The following TFEC variants were observed in gnomAD, a reference collection of about 807,000 sequenced individuals.
The protein encoded by TFEC is class E basic helix-loop-helix protein 34.
A neutral mutation model predicts 41.6 loss-of-function variants in TFEC; 31 were observed. That is an observed-to-expected ratio of 0.74 (90% CI 0.56 to 1.01). The LOEUF (loss-of-function observed/expected upper bound fraction) is 1.01, where lower values mean the gene tolerates loss of function less well. Among genes scored for constraint, TFEC ranks in the 50% least tolerant of loss-of-function variants. The pLI, the probability that TFEC is intolerant of heterozygous loss-of-function variation, is 0.00. For synonymous variants in TFEC, 143 were observed against 140.6 expected (o/e 1.02, Z -0.12); for missense variants, 402 against 404.1 (o/e 0.99, Z 0.04).
At chr7:116,073,803 G>GAA (rs1796887197) in intron 3 of TFEC, among the ~76,000 whole-genome samples, 1 of 151,762 alleles carries the variant, frequency 6.6e-6, no homozygotes, top group African/African-American at 2.4e-5. Context: ...TAGGTCAATG[G>GAA]ACTACAATAG....
intron 1 of TFEC, among the ~76,000 whole-genome samples, chr7:116,139,646 T>C (rs1246916813): frequency 6.6e-6 from 1 of 152,208 alleles, no homozygotes; most frequent in Non-Finnish European, 1.5e-5. Context: ...AATTCTGTGA[T>C]AAACTAAGGG....
intron 1 of TFEC, among the ~76,000 whole-genome samples, chr7:116,144,178 CT>C (rs1798596128): frequency 1.3e-5 from 2 of 151,414 alleles, no homozygotes; most frequent in South Asian, 4.2e-4. Context: ...AATTGTGCCA[CT>C]GCACTCCAGC....
At chr7:116,107,243 C>G (rs1188510807) in intron 3 of TFEC, among the ~76,000 whole-genome samples, 1 of 152,072 alleles carries the variant, frequency 6.6e-6, no homozygotes, top group East Asian at 1.9e-4. Context: ...CTGTACAACC[C>G]CTTTTGCCTC....
chr7:116,017,285 G>A (rs556501996), intron 1 of TFEC, among the ~76,000 whole-genome samples: 14 of 152,196 alleles, frequency 9.2e-5, no homozygotes, highest in East Asian at 1.9e-4. Context: ...GCAGTGGCAC[G>A]ATCTCCACTC....
At chr7:115,989,564 G>A (rs2896173) in intron 1 of TFEC, among the ~76,000 whole-genome samples, 129,530 of 152,184 alleles carry the variant, frequency 0.85, 55,258 homozygotes, top group Non-Finnish European at 0.89. Context: ...CGCTTTTCCA[G>A]AGGAGATTAT....
At chr7:115,971,509 A>G (rs565803140) in intron 3 of TFEC, among the ~76,000 whole-genome samples, 19 of 150,330 alleles carry the variant, frequency 1.3e-4, no homozygotes, top group South Asian at 6.4e-4. Flanking sequence ...TTTTGGGGGG[A>G]AAAAAAAGGC....
At chr7:115,983,827 T>G (rs1172366897) in intron 2 of TFEC, among the ~76,000 whole-genome samples, 1 of 152,080 alleles carries the variant, frequency 6.6e-6, no homozygotes, top group Non-Finnish European at 1.5e-5. Context: ...TTCATATAAG[T>G]GCAATAAAAT....
Position 115,942,043 on chromosome 7 carries a change from G to A in TFEC, c.516-3C>T. ...TTCCTTTGTTCCAGCGCATATCACT[G>A]TAGAATGGAGAGATAACCTTTTCAC... On this transcript the variant is annotated splice_region_variant and splice_polypyrimidine_tract_variant and intron_variant, in intron 6 of 7. Coordinates refer to ENST00000265440, the MANE Select transcript of TFEC (RefSeq NM_012252.4). 1.2e-6 allele frequency: 2 copies of A among 1,606,074 alleles called. No individual in the cohort carries two copies. Among genetic ancestry groups the A allele is most frequent in the Admixed American group, 1.7e-5 (1 of 59,006 alleles).
At position 115,940,384 on chromosome 7, in the gene TFEC, T is replaced by C. The variant is rs569166005; in HGVS notation, c.*167A>G. 35 of 725,144 alleles carry C rather than the reference T, an allele frequency of 4.8e-5. No homozygotes were observed. The Admixed American group carries it at 5.0e-4, about 10-fold the overall frequency. The allele number at this position is 725,144 out of a possible 1,614,324, so 44.9% of individuals were successfully genotyped here. On this transcript the variant is annotated 3_prime_UTR_variant, in exon 8 of 8. Transcript: ENST00000265440. ...CGCCCTCAATAATTCATTAACACTATGATTTTTCTTCCTGCGAATTCTTCT... is the reference window on the plus strand; with the variant it reads ...CGCCCTCAATAATTCATTAACACTACGATTTTTCTTCCTGCGAATTCTTCT...
chr7:116,094,878 C>T (rs970921310), intron 3 of TFEC, among the ~76,000 whole-genome samples: 6 of 152,104 alleles, frequency 3.9e-5, no homozygotes, highest in Admixed American at 2.6e-4. Context: ...CACAGGTAAC[C>T]TTTATGCTGT....
At chr7:116,021,744 TG>T (rs1334489959) in intron 1 of TFEC, among the ~76,000 whole-genome samples, 1 of 152,188 alleles carries the variant, frequency 6.6e-6, no homozygotes, top group Non-Finnish European at 1.5e-5. Flanking sequence ...TCTGTCAAAA[TG>T]GTTTTCTTAA....
chr7:116,093,222 G>A (rs894261397), intron 3 of TFEC, among the ~76,000 whole-genome samples: 4 of 152,088 alleles, frequency 2.6e-5, no homozygotes, highest in Non-Finnish European at 5.9e-5. Context: ...CGTGAACTCT[G>A]CAATGTGGTC....
chr7:116,044,229 C>T (rs981647406), intron 3 of TFEC, among the ~76,000 whole-genome samples: 2 of 152,090 alleles, frequency 1.3e-5, no homozygotes, highest in African/African-American at 4.8e-5. Context: ...TAAAATTCTC[C>T]TATGCATATC....
intron 3 of TFEC, among the ~76,000 whole-genome samples, chr7:116,092,803 C>T (rs777517047): frequency 1.3e-5 from 2 of 152,040 alleles, no homozygotes; most frequent in Non-Finnish European, 1.5e-5. Flanking sequence ...TGGGTCACCT[C>T]GATAGTCACT....
chr7:116,011,076 C>T (rs1794982878), intron 1 of TFEC, among the ~76,000 whole-genome samples: 1 of 152,128 alleles, frequency 6.6e-6, no homozygotes, highest in South Asian at 2.1e-4. Flanking sequence ...TATTAACAGT[C>T]TTTCTTTATT....
intron 3 of TFEC, among the ~76,000 whole-genome samples, chr7:115,963,972 G>C (rs1165573786): frequency 6.6e-6 from 1 of 151,472 alleles, no homozygotes; most frequent in African/African-American, 2.4e-5. Context: ...TACCAACAGG[G>C]AGCAAGATAA....
At chr7:116,130,632 G>A (rs1249305480) in intron 1 of TFEC, among the ~76,000 whole-genome samples, 1 of 152,048 alleles carries the variant, frequency 6.6e-6, no homozygotes, top group Non-Finnish European at 1.5e-5. Flanking sequence ...GTAGAGTGGT[G>A]GGGACAGTTT....
intron 3 of TFEC, among the ~76,000 whole-genome samples, chr7:116,061,202 C>T (rs73220441): frequency 0.18 from 27,223 of 151,952 alleles, 2,483 homozygotes; most frequent in East Asian, 0.32. Flanking sequence ...TTAACACTAC[C>T]TTCTTTCAAA....
intron 1 of TFEC, among the ~76,000 whole-genome samples, chr7:116,022,461 C>A (rs902703037): frequency 1.3e-5 from 2 of 152,178 alleles, no homozygotes; most frequent in African/African-American, 4.8e-5. Context: ...CACTGACAAG[C>A]TATATGCCTT....
Sources: gnomAD v4.1 joint callset for allele counts (sites outside exome capture counted in the v4.1 genomes callset) on GRCh38, gnomAD v4.1.1 for gene constraint, MANE v1.5 for transcripts, NCBI Gene and HGNC (gene_info 2026-07-23, HGNC 2026-07-21) for gene names.